Variants in PTPRD observed in about 807,000 individuals in gnomAD.
PTPRD encodes receptor-type tyrosine-protein phosphatase delta.
A neutral mutation model predicts 214.5 loss-of-function variants in PTPRD; 34 were observed. The observed-to-expected ratio is 0.16, with a 90% CI of 0.12 to 0.21. The LOEUF (loss-of-function observed/expected upper bound fraction) is 0.21, where lower values mean the gene tolerates loss of function less well. PTPRD is among the 10% of genes least tolerant of loss of function. The pLI is 1.00. For missense variants in PTPRD, 2,545 were observed against 2,398.7 expected (o/e 1.06, Z -1.27); for synonymous variants, 1,128 against 845.7 (o/e 1.33, Z -5.79).
At chr9:8,926,028 G>C (rs776986702) in intron 11 of PTPRD, among the ~76,000 whole-genome samples, 10 of 151,626 alleles carry the variant, frequency 6.6e-5, no homozygotes, top group Non-Finnish European at 1.3e-4. Context: ...ATGGACTTTA[G>C]GTCTAGCCCT....
chr9:8,678,194 AC>A (rs1257342467), intron 12 of PTPRD, among the ~76,000 whole-genome samples: 1 of 152,196 alleles, frequency 6.6e-6, no homozygotes, highest in Non-Finnish European at 1.5e-5. Context: ...GGAGGAGTGA[AC>A]AAGGTCAAAT....
intron 9 of PTPRD, among the ~76,000 whole-genome samples, chr9:9,303,053 C>G (rs528540535): frequency 8.9e-4 from 136 of 152,014 alleles, no homozygotes; most frequent in Admixed American, 1.5e-3. Context: ...AAGACCTTTT[C>G]TTTTCTATTT....
intron 11 of PTPRD, among the ~76,000 whole-genome samples, chr9:8,978,287 A>G (rs1206167829): frequency 6.6e-6 from 1 of 152,094 alleles, no homozygotes; most frequent in Non-Finnish European, 1.5e-5. Flanking sequence ...TCGCCAACTT[A>G]CTTTCTGCTG....
chr9:8,816,271 T>A (rs2096916448), intron 11 of PTPRD, among the ~76,000 whole-genome samples: 1 of 152,184 alleles, frequency 6.6e-6, no homozygotes, highest in Admixed American at 6.5e-5. Flanking sequence ...TAGATTCACT[T>A]TTTTCTTTGT....
chr9:8,946,761 G>T (rs940105658), intron 11 of PTPRD, among the ~76,000 whole-genome samples: 1 of 152,128 alleles, frequency 6.6e-6, no homozygotes, highest in African/African-American at 2.4e-5. Context: ...AAAGTATCAT[G>T]CAGGGTCTTC....
chr9:9,688,562 G>C (rs750557996), intron 7 of PTPRD, among the ~76,000 whole-genome samples: 1 of 151,850 alleles, frequency 6.6e-6, no homozygotes, highest in Non-Finnish European at 1.5e-5. Context: ...GTAGAACCCT[G>C]CATACAGATA....
At chr9:9,766,938 C>T (rs558308736) in intron 5 of PTPRD, 87 bp from the exon 6 acceptor site, 1 of 151,736 alleles carries the variant, frequency 6.6e-6, no homozygotes, top group Admixed American at 6.6e-5. Flanking sequence ...AAAATAAGAA[C>T]AAATTTTAAA....
intron 2 of PTPRD, among the ~76,000 whole-genome samples, chr9:10,369,776 T>G (rs1278445800): frequency 1.3e-5 from 2 of 152,020 alleles, no homozygotes; most frequent in Non-Finnish European, 2.9e-5. Flanking sequence ...TCCAAAAGAA[T>G]AGCATTAAGT....
intron 6 of PTPRD, among the ~76,000 whole-genome samples, chr9:9,743,731 T>TATACACACAC (rs1554959142): frequency 1.2e-5 from 1 of 80,430 alleles, no homozygotes; most frequent in African/African-American, 9.8e-5. Context: ...ACTCAGTCTA[T>TATACACACAC]ACACACACAC....
intron 3 of PTPRD, among the ~76,000 whole-genome samples, chr9:10,060,558 C>G (rs934975685): frequency 2.0e-5 from 3 of 151,756 alleles, no homozygotes; most frequent in African/African-American, 4.8e-5. Flanking sequence ...AGAAATGTGT[C>G]AAAGTATTTT....
rs538786493 is a variant in PTPRD at position 10,547,627 on chromosome 9, A to G, written c.-600+64771T>C. On this transcript the variant is annotated intron_variant, in intron 2 of 45. Coordinates refer to ENST00000381196, the MANE Select transcript of PTPRD (RefSeq NM_002839.4). ...ATGCTTCATTCTAGTGTCTTTTTCTATATAAGTAGTATTGTGTACCATCAA... is the reference window on the plus strand; with the variant it reads ...ATGCTTCATTCTAGTGTCTTTTTCTGTATAAGTAGTATTGTGTACCATCAA... Among the ~76,000 whole-genome samples the G allele has an allele frequency of 3.9e-5, 6 of 152,058 alleles. No individual in the cohort carries two copies. The East Asian group carries it at 1.2e-3, about 29-fold the overall frequency.
intron 4 of PTPRD, among the ~76,000 whole-genome samples, chr9:9,950,343 C>G (rs1304090428): frequency 6.6e-6 from 1 of 152,124 alleles, no homozygotes; most frequent in Non-Finnish European, 1.5e-5. Flanking sequence ...ACAACTTTGA[C>G]AAATGAGCTA....
intron 8 of PTPRD, among the ~76,000 whole-genome samples, chr9:9,534,952 C>T (rs1229654321): frequency 6.6e-6 from 1 of 151,968 alleles, no homozygotes; most frequent in African/African-American, 2.4e-5. Flanking sequence ...TGCAATACAA[C>T]TGTAAAGATG....
intron 3 of PTPRD, 99 bp downstream of exon 3, chr9:10,340,864 C>T (rs1296778590): frequency 6.6e-6 from 1 of 151,878 alleles, no homozygotes; most frequent in Non-Finnish European, 1.5e-5. Context: ...AACATGGTTT[C>T]ATGTTTTAAA....
At chr9:9,569,862 T>C (rs2085809042) in intron 8 of PTPRD, among the ~76,000 whole-genome samples, 3 of 151,534 alleles carry the variant, frequency 2.0e-5, no homozygotes, top group African/African-American at 4.8e-5. Context: ...GCTAGCCAGA[T>C]AGGAATAATC....
intron 12 of PTPRD, among the ~76,000 whole-genome samples, chr9:8,683,536 T>C (rs1289639933): frequency 1.3e-5 from 2 of 152,160 alleles, no homozygotes; most frequent in Non-Finnish European, 1.5e-5. Flanking sequence ...ACCCACCTCC[T>C]CTATATGTCA....
chr9:10,055,701 A>G (rs989634085), intron 3 of PTPRD, among the ~76,000 whole-genome samples: 7 of 152,106 alleles, frequency 4.6e-5, no homozygotes, highest in Non-Finnish European at 1.0e-4. Context: ...GAATAACCAT[A>G]GGAACAATAC....
chr9:9,411,935 T>C (rs1340286943), intron 8 of PTPRD, among the ~76,000 whole-genome samples: 2 of 152,190 alleles, frequency 1.3e-5, no homozygotes, highest in Non-Finnish European at 2.9e-5. Context: ...ACCAACCCTG[T>C]CATTTTACAA....
intron 3 of PTPRD, among the ~76,000 whole-genome samples, chr9:10,065,338 C>T (rs1213213053): frequency 1.3e-5 from 2 of 151,894 alleles, no homozygotes; most frequent in East Asian, 3.9e-4. Flanking sequence ...TTATTAGCCA[C>T]CAGCCCCATA....
Sources: allele counts gnomAD v4.1 joint callset (sites outside exome capture counted in the v4.1 genomes callset), GRCh38; gene constraint gnomAD v4.1.1; transcripts MANE v1.5; gene names NCBI Gene and HGNC (gene_info 2026-07-23, HGNC 2026-07-21).